KCNG3: variants seen among roughly 807,000 people sequenced by gnomAD.
KCNG3 encodes the protein potassium voltage-gated channel modifier subfamily G member 3.
KCNG3 carries 15 observed loss-of-function variants against 29.0 expected under a neutral mutation model. The observed-to-expected ratio is 0.52, with a 90% CI of 0.35 to 0.80. The LOEUF is 0.80. KCNG3 is among the 30% of genes least tolerant of loss of function. The probability of loss-of-function intolerance (pLI) is 0.01; values close to 1 mark genes in which losing one functional copy is unlikely to be tolerated. For missense variants in KCNG3, 512 were observed against 605.7 expected (o/e 0.85, Z 1.62); for synonymous variants, 322 against 248.9 (o/e 1.29, Z -2.76).
At chr2:42,429,808 G>T in the KCNG3 span, among the ~76,000 whole-genome samples, 2 of 152,160 alleles carry the variant, frequency 1.3e-5, no homozygotes, top group African/African-American at 2.4e-5. Flanking sequence ...TCAACCAGTG[G>T]ACCTCGAGTA....
chr2:42,411,751 G>A, the KCNG3 span, among the ~76,000 whole-genome samples: 1 of 152,142 alleles, frequency 6.6e-6, no homozygotes, highest in Non-Finnish European at 1.5e-5. Context: ...CCAAAGTGCT[G>A]GAATTACAGG....
At chr2:42,412,754 T>C in the KCNG3 span, among the ~76,000 whole-genome samples, 1 of 152,142 alleles carries the variant, frequency 6.6e-6, no homozygotes, top group Admixed American at 6.6e-5. Context: ...AGAATTTTGT[T>C]TGTTGAGAAA....
At chr2:42,413,303 A>G in the KCNG3 span, among the ~76,000 whole-genome samples, 1 of 152,132 alleles carries the variant, frequency 6.6e-6, no homozygotes, top group Non-Finnish European at 1.5e-5. Flanking sequence ...TCCCTCATAA[A>G]TAGTATTTTT....
the KCNG3 span, among the ~76,000 whole-genome samples, chr2:42,389,318 T>G: frequency 6.6e-6 from 1 of 152,238 alleles, no homozygotes; most frequent in African/African-American, 2.4e-5. Context: ...TTAGTAACTT[T>G]GTAAATTCTT....
At chr2:42,452,244 T>TATA (rs1491559721) in intron 1 of KCNG3, among the ~76,000 whole-genome samples, 967 of 56,932 alleles carry the variant, frequency 0.017, 4 homozygotes, top group African/African-American at 0.038. Flanking sequence ...TATATATATA[T>TATA]TTTTTTTTTT....
intron 1 of KCNG3, among the ~76,000 whole-genome samples, chr2:42,471,184 G>C (rs11900880): frequency 6.8e-6 from 1 of 147,864 alleles, no homozygotes. Flanking sequence ...GTGTGTGTGT[G>C]TATATATATA....
At chr2:42,453,175 C>T (rs1241461651) in intron 1 of KCNG3, among the ~76,000 whole-genome samples, 1 of 152,192 alleles carries the variant, frequency 6.6e-6, no homozygotes, top group African/African-American at 2.4e-5. Context: ...ACGTATCTTT[C>T]TGATATGCTG....
the KCNG3 span, among the ~76,000 whole-genome samples, chr2:42,422,834 A>C: frequency 6.6e-6 from 1 of 152,168 alleles, no homozygotes; most frequent in South Asian, 2.1e-4. Context: ...CTAGTTGCTG[A>C]AACCAGTGAA....
intron 1 of KCNG3, among the ~76,000 whole-genome samples, chr2:42,487,156 C>CAAA (rs1194994891): frequency 4.4e-5 from 3 of 67,996 alleles, no homozygotes; most frequent in Admixed American, 1.6e-4. Context: ...GACTCTGTCT[C>CAAA]AAAAAAAAAA....
chr2:42,400,219 A>C, the KCNG3 span, among the ~76,000 whole-genome samples: 1 of 152,164 alleles, frequency 6.6e-6, no homozygotes, highest in Non-Finnish European at 1.5e-5. Context: ...GAAGCTAGAG[A>C]TGAAGCCCAA....
At chr2:42,424,219 G>C in the KCNG3 span, among the ~76,000 whole-genome samples, 2 of 152,142 alleles carry the variant, frequency 1.3e-5, no homozygotes, top group Non-Finnish European at 2.9e-5. Flanking sequence ...TTGTAGCTGA[G>C]TGCCAAAACT....
the KCNG3 span, among the ~76,000 whole-genome samples, chr2:42,436,444 A>G: frequency 2.0e-4 from 30 of 152,206 alleles, no homozygotes; most frequent in Non-Finnish European, 4.0e-4. Flanking sequence ...ATTTAGTTCC[A>G]TTTTTAAACT....
At position 42,493,463 on chromosome 2, in the gene KCNG3, C is replaced by T; in HGVS notation, c.39G>A (p.Leu13=). The part of the protein sequence containing the change: ...FGRSGAASVV[L]NVGGARYSLS... ...GCGAATACCGGGCGCCGCCCACGTT[C>T]AGCACCACCGAGGCCGCCCCGCTGC... is the stretch of plus-strand genomic sequence containing the variant. Residue 13 remains leucine (L), a synonymous_variant, in exon 1 of 2, where the codon CTG becomes CTA. Transcript: ENST00000306078. 6.9e-7 allele frequency: 1 copy of T among 1,457,292 alleles called. No individual in the cohort carries two copies. The highest frequency in any genetic ancestry group is 9.0e-7 in the Non-Finnish European group (1 of 1,113,166). 90.3% of individuals were successfully genotyped at this position (1,457,292 alleles called of 1,614,324 possible).
At chr2:42,448,864 G>A (rs956248250) in intron 1 of KCNG3, among the ~76,000 whole-genome samples, 95 of 152,094 alleles carry the variant, frequency 6.2e-4, no homozygotes, top group Non-Finnish European at 1.6e-4. Flanking sequence ...TGTAGTCCCA[G>A]CTACTTGGGA....
rs1378678817 is a variant in KCNG3, at chr2:42,442,447, C to T, written c.*1487G>A. On this transcript the variant is annotated 3_prime_UTR_variant, in exon 2 of 2. Coordinates refer to ENST00000306078, the MANE Select transcript of KCNG3 (RefSeq NM_133329.6). The stretch of plus-strand genomic sequence containing the variant: ...TGACTCCTTCACAATTATATTCTCT[C>T]CTGCCCTGATTTTCTACCTGTAATA... The T allele has an allele frequency of 6.6e-6, 1 of 152,180 alleles. No homozygotes were observed. Among genetic ancestry groups the T allele is most frequent in the Non-Finnish European group, 1.5e-5 (1 of 68,032 alleles). The allele number at this position is 152,180 out of a possible 1,614,324, so 9.4% of individuals were successfully genotyped here.
chr2:42,477,784 C>G (rs1323142721), intron 1 of KCNG3, among the ~76,000 whole-genome samples: 1 of 151,786 alleles, frequency 6.6e-6, no homozygotes, highest in Non-Finnish European at 1.5e-5. Flanking sequence ...GAGGCTGAGG[C>G]CAGAGAATCG....
Position 42,491,005 on chromosome 2 carries a change from T to G in KCNG3, c.665+1832A>C, listed in dbSNP as rs532400608. 8.5e-5 allele frequency among the ~76,000 whole-genome samples: 13 copies of G among 152,300 alleles called. No homozygotes were observed. The South Asian group carries it at 1.0e-3, about 12-fold the overall frequency. On this transcript the variant is annotated intron_variant, in intron 1 of 1. Coordinates refer to ENST00000306078, the MANE Select transcript of KCNG3 (RefSeq NM_133329.6). ...TTTTCATATACCTACACTCAGACAG[T>G]GAAGCTAAAACTGGGCCATTAAGCT...
the KCNG3 span, among the ~76,000 whole-genome samples, chr2:42,429,589 C>A: frequency 2.0e-4 from 31 of 152,308 alleles, no homozygotes; most frequent in Admixed American, 3.9e-4. Flanking sequence ...CAGGGTGTGA[C>A]ACTGCACAAA....
the KCNG3 span, among the ~76,000 whole-genome samples, chr2:42,402,224 G>A: frequency 6.6e-6 from 1 of 152,222 alleles, no homozygotes; most frequent in South Asian, 2.1e-4. Context: ...CTTCGGTCCA[G>A]ACTGAATTAC....
Sources: allele counts gnomAD v4.1 joint callset (sites outside exome capture counted in the v4.1 genomes callset), GRCh38; gene constraint gnomAD v4.1.1; transcripts MANE v1.5; gene names NCBI Gene and HGNC (gene_info 2026-07-23, HGNC 2026-07-21).